PCDHGB3: variants seen among roughly 807,000 people sequenced by gnomAD.
PCDHGB3 encodes the protein protocadherin gamma subfamily B, 3, also known as protocadherin gamma-B3.
PCDHGB3 carries 40 observed loss-of-function variants against 59.2 expected under a neutral mutation model. That is an observed-to-expected ratio of 0.68 (90% CI 0.52 to 0.88). The LOEUF (loss-of-function observed/expected upper bound fraction) is 0.88, where lower values mean the gene tolerates loss of function less well. PCDHGB3 is among the 40% of genes least tolerant of loss of function. The pLI, the probability that PCDHGB3 is intolerant of heterozygous loss-of-function variation, is 0.00. For missense variants in PCDHGB3, 1,309 were observed against 1,187.9 expected, an observed-to-expected ratio of 1.10 and a Z score of -1.50; for synonymous variants, 581 against 503.6, an observed-to-expected ratio of 1.15 and a Z score of -2.06.
rs1467738404 is a variant in PCDHGB3 at position 141,430,698 on chromosome 5, G to A, written c.2415+57889G>A. On this transcript the variant is annotated intron_variant, in intron 1 of 3. Coordinates refer to ENST00000576222, the MANE Select transcript of PCDHGB3 (RefSeq NM_018924.5). The stretch of plus-strand genomic sequence containing the variant: ...CAACTGTCCCATTCTATGGGCGAAG[G>A]AACTGCTCCTGACTTCAGTGGTTAA... 4.1e-6 allele frequency: 6 copies of A among 1,451,686 alleles called. No homozygotes were observed. The South Asian group carries it at 7.8e-5, about 19-fold the overall frequency. The allele number at this position is 1,451,686 out of a possible 1,614,324, so 89.9% of individuals were successfully genotyped here.
At chr5:141,376,447 C>G (rs777597745) in intron 1 of PCDHGB3, 2 of 1,614,182 alleles carry the variant, frequency 1.2e-6, no homozygotes, top group Non-Finnish European at 1.7e-6. Flanking sequence ...ATGAGAAAAG[C>G]GAGCCTCTTC....
At chr5:141,391,306 C>CTTTTTTTTTTTT in intron 1 of PCDHGB3, 1 of 146,116 alleles carries the variant, frequency 6.8e-6, no homozygotes. Flanking sequence ...TCTTTCGATT[C>CTTTTTTTTTTTT]TTTTTTTTTT....
intron 1 of PCDHGB3, among the ~76,000 whole-genome samples, chr5:141,468,000 C>G (rs1429450909): frequency 6.6e-6 from 1 of 152,028 alleles, no homozygotes; most frequent in East Asian, 1.9e-4. Flanking sequence ...ATTCTTTCTT[C>G]CTCTGTTATA....
At chr5:141,435,024 C>T (rs1263332887) in intron 1 of PCDHGB3, among the ~76,000 whole-genome samples, 3 of 151,970 alleles carry the variant, frequency 2.0e-5, no homozygotes, top group Non-Finnish European at 4.4e-5. Context: ...ATGCTCTTTT[C>T]CCACTTTTAT....
At chr5:141,456,949 C>A (rs1277351419) in intron 1 of PCDHGB3, among the ~76,000 whole-genome samples, 2 of 152,080 alleles carry the variant, frequency 1.3e-5, no homozygotes, top group East Asian at 3.9e-4. Flanking sequence ...GGCAACAGAG[C>A]AAAACTCCAT....
At chr5:141,483,694 C>T (rs915328297) in intron 1 of PCDHGB3, among the ~76,000 whole-genome samples, 3 of 151,952 alleles carry the variant, frequency 2.0e-5, no homozygotes, top group African/African-American at 4.8e-5. Flanking sequence ...AGCCAGATTC[C>T]TCTTTTTGAC....
At chr5:141,443,631 T>C (rs541727440) in intron 1 of PCDHGB3, among the ~76,000 whole-genome samples, 1 of 152,332 alleles carries the variant, frequency 6.6e-6, no homozygotes, top group South Asian at 2.1e-4. Context: ...ATTGTAAAAA[T>C]TGATCCAGAT....
intron 1 of PCDHGB3, among the ~76,000 whole-genome samples, chr5:141,464,934 G>T (rs1353581045): frequency 1.3e-5 from 2 of 151,416 alleles, no homozygotes; most frequent in African/African-American, 4.8e-5. Flanking sequence ...GAGATGTGAG[G>T]TCTCACTATG....
At chr5:141,393,079 GGATA>G (rs1414303760) in intron 1 of PCDHGB3, 2 of 1,613,582 alleles carry the variant, frequency 1.2e-6, no homozygotes, top group Non-Finnish European at 1.7e-6. Context: ...ACCGCGGGCA[GGATA>G]GATCGGGAGG....
rs780685929 is a variant in PCDHGB3 at position 141,389,589 on chromosome 5, G to A, written c.2415+16780G>A. 10 of 1,613,050 alleles carry A rather than the reference G, an allele frequency of 6.2e-6. No individual in the cohort carries two copies. In the Middle Eastern group the frequency reaches 5.0e-4, roughly 81 times the overall value. On this transcript the variant is annotated intron_variant, in intron 1 of 3. Coordinates refer to ENST00000576222, the MANE Select transcript of PCDHGB3 (RefSeq NM_018924.5). ...GCTGTACCCCGCGCTGGGTCCCGAC[G>A]GCTCTGCGCTCTTCGATATGGTGCC...
chr5:141,433,256 C>T, intron 1 of PCDHGB3: 2 of 1,385,666 alleles, frequency 1.4e-6, no homozygotes, highest in Non-Finnish European at 2.0e-6. Context: ...TGCAGCGGTA[C>T]GATCATAGCT....
intron 1 of PCDHGB3, chr5:141,413,279 TCTC>T (rs759727755): frequency 2.4e-5 from 39 of 1,613,826 alleles, no homozygotes; most frequent in Non-Finnish European, 3.1e-5. Flanking sequence ...GCCCGGCAGA[TCTC>T]CTACTCAATT....
chr5:141,509,843 C>T (rs1596253565), intron 3 of PCDHGB3, among the ~76,000 whole-genome samples: 1 of 152,178 alleles, frequency 6.6e-6, no homozygotes, highest in African/African-American at 2.4e-5. Context: ...CTCCCATTCA[C>T]TCAGAACAGG....
intron 1 of PCDHGB3, chr5:141,384,465 T>A (rs1561602415): frequency 6.2e-7 from 1 of 1,614,118 alleles, no homozygotes; most frequent in Non-Finnish European, 8.5e-7. Flanking sequence ...CCTTTGATTA[T>A]GAGCAGTTGA....
At chr5:141,409,707 C>T in intron 1 of PCDHGB3, 1 of 1,613,248 alleles carries the variant, frequency 6.2e-7, no homozygotes, top group Non-Finnish European at 8.5e-7. Flanking sequence ...CTGGCGGTGT[C>T]GTCATACGTG....
intron 1 of PCDHGB3, chr5:141,393,025 G>A (rs1307917992): frequency 6.2e-7 from 1 of 1,613,864 alleles, no homozygotes; most frequent in Non-Finnish European, 8.5e-7. Flanking sequence ...TCCAGAGGTA[G>A]GACGCAGCTC....
At chr5:141,406,421 A>G (rs981815055) in intron 1 of PCDHGB3, among the ~76,000 whole-genome samples, 2 of 152,222 alleles carry the variant, frequency 1.3e-5, no homozygotes, top group East Asian at 1.9e-4. Flanking sequence ...GAAAGCCCAG[A>G]TTTATTGCTT....
At chr5:141,430,925 C>G (rs1313621122) in intron 1 of PCDHGB3, 2 of 1,607,162 alleles carry the variant, frequency 1.2e-6, no homozygotes, top group Non-Finnish European at 8.5e-7. Context: ...GGGGCTGGAG[C>G]CCCGGGAGCT....
At chr5:141,472,017 T>C (rs2154571143) in intron 1 of PCDHGB3, among the ~76,000 whole-genome samples, 1 of 152,290 alleles carries the variant, frequency 6.6e-6, no homozygotes, top group South Asian at 2.1e-4. Context: ...GGGCACTATA[T>C]TGTATGTAGA....
Sources: allele counts gnomAD v4.1 joint callset (sites outside exome capture counted in the v4.1 genomes callset), GRCh38; gene constraint gnomAD v4.1.1; transcripts MANE v1.5; gene names NCBI Gene and HGNC (gene_info 2026-07-23, HGNC 2026-07-21).